The following SLC35E4 variants were observed in gnomAD, a reference collection of about 807,000 sequenced individuals.
SLC35E4 encodes solute carrier family 35, member E4.
A neutral mutation model predicts 19.3 loss-of-function variants in SLC35E4; 15 were observed. The observed-to-expected ratio is 0.78, with a 90% confidence interval of 0.52 to 1.20. SLC35E4 has a LOEUF of 1.20. Ranked by LOEUF, SLC35E4 falls within the 50% of genes most tolerant of loss-of-function variation. The probability of loss-of-function intolerance (pLI) is 0.00; values close to 1 mark genes in which losing one functional copy is unlikely to be tolerated. For missense variants in SLC35E4, 406 were observed against 472.3 expected (o/e 0.86, Z 1.30); for synonymous variants, 219 against 219.9 (o/e 1.00, Z 0.04).
chr22:30,644,850 G>C (rs2088102076), intron 1 of SLC35E4, among the ~76,000 whole-genome samples: 1 of 152,146 alleles, frequency 6.6e-6, no homozygotes, highest in Non-Finnish European at 1.5e-5. Context: ...GTGGTGGCAT[G>C]TGTACACGTA....
Position 30,638,769 on chromosome 22 carries a change from G to A in SLC35E4, c.619+1700G>A, listed in dbSNP as rs146293572. Among the ~76,000 whole-genome samples, 22 of 152,036 alleles carry A rather than the reference G, an allele frequency of 1.4e-4. No individual in the cohort carries two copies. The East Asian group carries it at 2.3e-3, about 16-fold the overall frequency. On this transcript the variant is annotated intron_variant, in intron 1 of 1. Coordinates refer to ENST00000343605, the MANE Select transcript of SLC35E4 (RefSeq NM_001001479.4). ...GGAGGTTGCAGTGAGCTGAGATCACGCTATTGCACTCCAGCCTGGGTAACA... is the reference window on the plus strand; with the variant it reads ...GGAGGTTGCAGTGAGCTGAGATCACACTATTGCACTCCAGCCTGGGTAACA...
chr22:30,638,709 G>C (rs1245264993), intron 1 of SLC35E4, among the ~76,000 whole-genome samples: 1 of 152,114 alleles, frequency 6.6e-6, no homozygotes, highest in Admixed American at 6.6e-5. Context: ...CTACTCAGGA[G>C]GCTGAGGTGA....
chr22:30,638,296 T>G (rs1160357927), intron 1 of SLC35E4, among the ~76,000 whole-genome samples: 2 of 147,934 alleles, frequency 1.4e-5, no homozygotes, highest in Non-Finnish European at 3.0e-5. Context: ...GGTCAGAAGT[T>G]CAAGAACAGA....
Position 30,646,828 on chromosome 22 carries a change from G to A in SLC35E4, c.850G>A (p.Val284Ile), listed in dbSNP as rs150026385. The A allele has an allele frequency of 5.3e-4, 860 of 1,614,186 alleles. No homozygotes were observed. The highest frequency in any genetic ancestry group is 6.8e-4 in the Non-Finnish European group (804 of 1,180,042). The change falls in exon 2 of 2, where the codon GTC becomes ATC. Residue 284 changes from valine (V) to isoleucine (I), a missense_variant. By Grantham distance (29) the Val-to-Ile change is conservative. Coordinates refer to ENST00000343605, the MANE Select transcript of SLC35E4 (RefSeq NM_001001479.4). Reference protein sequence around the residue: ...SLLALTSALTVHVLGNLTVVG... With the variant: ...SLLALTSALTIHVLGNLTVVG... ...GCTGGCCCTCACCTCTGCCCTCACC[G>A]TCCACGTCCTGGGCAACCTCACCGT...
At chr22:30,666,697 A>G (rs1000354461), downstream of SLC35E4, 1 of 150,946 alleles carries the variant, frequency 6.6e-6, no homozygotes, top group Admixed American at 6.6e-5. Flanking sequence ...GAAATGTACA[A>G]GACAGGCATG....
intron 1 of SLC35E4, among the ~76,000 whole-genome samples, chr22:30,643,860 A>G (rs565873776): frequency 2.6e-5 from 4 of 152,318 alleles, no homozygotes; most frequent in African/African-American, 9.6e-5. Flanking sequence ...AGAGGTGGCA[A>G]TGAGGCAGGA....
At chr22:30,663,463 C>T (rs776648187), downstream of SLC35E4, 6 of 1,611,942 alleles carry the variant, frequency 3.7e-6, no homozygotes, top group Non-Finnish European at 5.1e-6. Context: ...AAACGGACTT[C>T]CTTCTCATAG....
chr22:30,649,240 G>A (rs1463940290), downstream of SLC35E4: 3 of 717,372 alleles, frequency 4.2e-6, no homozygotes, highest in Non-Finnish European at 7.8e-6. Flanking sequence ...GCAGGGCCAG[G>A]AGTGAGGAAG....
rs756597856 is a variant in SLC35E4 at position 30,646,656 on chromosome 22, G to GC, written c.681dup (p.Ser228GlnfsTer42). 1.9e-6 allele frequency: 3 copies of GC among 1,612,328 alleles called. No individual in the cohort carries two copies. Among genetic ancestry groups the GC allele is most frequent in the Non-Finnish European group, 2.5e-6 (3 of 1,179,504 alleles). ...TGACCCTGCTTTACGCCACCTCGCT[G>GC]CCCAGCTTCTGCCTGCTGGCGGGTG... On this transcript the variant is annotated frameshift_variant, in exon 2 of 2. Transcript: ENST00000343605. LOFTEE classifies it high-confidence loss of function.
downstream of SLC35E4, among the ~76,000 whole-genome samples, chr22:30,651,427 ATTTTTTTTTT>A (rs1160256288): frequency 4.1e-4 from 9 of 22,160 alleles, no homozygotes; most frequent in South Asian, 1.4e-3. Flanking sequence ...ATATATATAT[ATTTTTTTTTT>A]TTTTTTTTTT....
intron 2 of SLC35E4, among the ~76,000 whole-genome samples, chr22:30,658,418 G>T (rs1209326116): frequency 6.6e-6 from 1 of 151,486 alleles, no homozygotes; most frequent in African/African-American, 2.4e-5. Context: ...AGCAGTAACA[G>T]TGGTGGCCAG....
chr22:30,664,137 G>T (rs2088571540), downstream of SLC35E4: 2 of 778,584 alleles, frequency 2.6e-6, no homozygotes, highest in South Asian at 3.6e-5. Context: ...AATTCCAGGG[G>T]ATCCCTGGGA....
Position 30,636,668 on chromosome 22 carries a change from T to G in SLC35E4, c.218T>G (p.Val73Gly). 1 of 1,612,136 alleles carries G rather than the reference T, an allele frequency of 6.2e-7. No individual in the cohort carries two copies. Among genetic ancestry groups the G allele is most frequent in the South Asian group, 1.1e-5 (1 of 91,030 alleles). Reference sequence around the variant, plus strand: ...AGCCTCAACAAGTGGATCTTCACAGTGCACGGCTTTGGGCGGCCCCTGCTG... The same window carrying G: ...AGCCTCAACAAGTGGATCTTCACAGGGCACGGCTTTGGGCGGCCCCTGCTG... The part of the protein sequence containing the change: ...MSSLNKWIFT[V>G]HGFGRPLLLS... The change falls in exon 1 of 2, where the codon GTG (valine) becomes GGG (glycine). Residue 73 changes from valine (V) to glycine (G), a missense_variant. Coordinates refer to ENST00000343605, the MANE Select transcript of SLC35E4 (RefSeq NM_001001479.4).
At chr22:30,637,170 A>C (rs2087966097) in intron 1 of SLC35E4, 101 bp downstream of exon 1, 2 of 1,465,366 alleles carry the variant, frequency 1.4e-6, no homozygotes, top group East Asian at 2.3e-5. Context: ...TTTACAAATG[A>C]GGAAACTGAG....
At chr22:30,637,184 C>T (rs1432215273) in intron 1 of SLC35E4, 115 bp downstream of exon 1, 20 of 1,434,846 alleles carry the variant, frequency 1.4e-5, no homozygotes, top group Non-Finnish European at 1.8e-5. Flanking sequence ...AACTGAGGTT[C>T]ATGGCTGTGG....
intron 2 of SLC35E4, among the ~76,000 whole-genome samples, chr22:30,659,942 G>C (rs560168452): frequency 6.6e-6 from 1 of 152,280 alleles, no homozygotes; most frequent in Admixed American, 6.5e-5. Context: ...GGCACACGTA[G>C]AAAGCACCAG....
At chr22:30,638,156 G>A (rs1009527943) in intron 1 of SLC35E4, among the ~76,000 whole-genome samples, 85 of 151,426 alleles carry the variant, frequency 5.6e-4, no homozygotes, top group African/African-American at 2.0e-3. Flanking sequence ...CTTGAGACCA[G>A]GAGTTCGAGA....
At chr22:30,657,485 G>T (rs972636846) in intron 2 of SLC35E4, among the ~76,000 whole-genome samples, 1 of 150,546 alleles carries the variant, frequency 6.6e-6, no homozygotes, top group Non-Finnish European at 1.5e-5. Context: ...CTGGCCGGGT[G>T]TAGTGGGTCG....
intron 2 of SLC35E4, among the ~76,000 whole-genome samples, chr22:30,655,893 T>C (rs149926036): frequency 2.0e-3 from 297 of 152,214 alleles, no homozygotes; most frequent in Non-Finnish European, 2.4e-3. Context: ...TTAGGTGATA[T>C]TGGGTCACGA....
Sources: gnomAD v4.1 joint callset for allele counts (sites outside exome capture counted in the v4.1 genomes callset) on GRCh38, gnomAD v4.1.1 for gene constraint, MANE v1.5 for transcripts, NCBI Gene and HGNC (gene_info 2026-07-23, HGNC 2026-07-21) for gene names.